The following LRP6 variants were observed in gnomAD, a reference collection of about 807,000 sequenced individuals.
The protein encoded by LRP6 is LDL receptor related protein 6.
In LRP6, 43 loss-of-function variants were observed where a neutral mutation model predicts 184.1. The ratio of observed to expected loss-of-function variants is 0.23; its 90% CI spans 0.18 to 0.30. The LOEUF (loss-of-function observed/expected upper bound fraction) is 0.30, where lower values mean the gene tolerates loss of function less well. Ranked by LOEUF, LRP6 falls within the 10% of genes least tolerant of loss-of-function variation. The probability of loss-of-function intolerance (pLI) is 1.00; values close to 1 mark genes in which losing one functional copy is unlikely to be tolerated. For missense variants in LRP6, 1,571 were observed against 2,005.3 expected (o/e 0.78, Z 4.14); for synonymous variants, 719 against 684.9 (o/e 1.05, Z -0.78).
chr12:12,167,268 G>C (rs529988464), intron 7 of LRP6, among the ~76,000 whole-genome samples: 8 of 152,232 alleles, frequency 5.3e-5, no homozygotes, highest in Non-Finnish European at 7.4e-5. Flanking sequence ...TCAGCAAACA[G>C]TATTGTGGCA....
intron 7 of LRP6, among the ~76,000 whole-genome samples, chr12:12,173,321 CTT>C (rs1293895825): frequency 6.6e-6 from 1 of 152,148 alleles, no homozygotes; most frequent in Non-Finnish European, 1.5e-5. Flanking sequence ...TGCTCTCATT[CTT>C]TTTAAGCACA....
chr12:12,130,724 GA>G (rs879889521), intron 19 of LRP6, 58 bp downstream of exon 19: 124 of 1,056,774 alleles, frequency 1.2e-4, no homozygotes, highest in Non-Finnish European at 1.7e-4. Flanking sequence ...TCACACATAA[GA>G]AAAAAAATTG....
At chr12:12,142,948 T>C (rs577536451) in intron 15 of LRP6, among the ~76,000 whole-genome samples, 2 of 152,100 alleles carry the variant, frequency 1.3e-5, no homozygotes, top group Non-Finnish European at 2.9e-5. Context: ...TTCAACACTG[T>C]ACTGGGGGAC....
chr12:12,154,298 C>T (rs1950121469), intron 12 of LRP6, among the ~76,000 whole-genome samples: 1 of 152,126 alleles, frequency 6.6e-6, no homozygotes, highest in Non-Finnish European at 1.5e-5. Context: ...TCACTTCCTT[C>T]AGTTCTTGAC....
intron 1 of LRP6, among the ~76,000 whole-genome samples, chr12:12,257,584 GA>G (rs369886658): frequency 0.023 from 1,408 of 62,478 alleles, 18 homozygotes; most frequent in African/African-American, 0.058. Flanking sequence ...CCCTCTCAAG[GA>G]AAAAAAAAAA....
intron 2 of LRP6, among the ~76,000 whole-genome samples, chr12:12,208,524 C>T (rs895710049): frequency 2.0e-5 from 3 of 152,180 alleles, no homozygotes; most frequent in African/African-American, 4.8e-5. Context: ...CTCTTCTGAG[C>T]TCTTGGCAGG....
chr12:12,266,879 T>G lies in LRP6; in HGVS notation c.-144A>C, dbSNP rs974010561. The G allele has an allele frequency of 1.3e-5, 10 of 754,180 alleles. No individual in the cohort carries two copies. The highest frequency in any genetic ancestry group is 1.8e-5 in the Non-Finnish European group (8 of 437,402). 46.7% of individuals were successfully genotyped at this position (754,180 alleles called of 1,614,324 possible). A position where few individuals can be genotyped will look rare whatever the true frequency, so the allele number is the denominator to read the frequency against. ...GCGAGAGAAGAAAGAAAGGGGCACG[T>G]CAAGGTTCCGCGCGCGCCGCCGCCG... On this transcript the variant is annotated 5_prime_UTR_variant, in exon 1 of 23. An upstream open reading frame in the 5' UTR loses its in-frame stop. Coordinates refer to ENST00000261349, the MANE Select transcript of LRP6 (RefSeq NM_002336.3).
At chr12:12,159,534 AG>A in intron 11 of LRP6, among the ~76,000 whole-genome samples, 1 of 152,342 alleles carries the variant, frequency 6.6e-6, no homozygotes, top group South Asian at 2.1e-4. Flanking sequence ...AAGTCATTTC[AG>A]GAGTATCTAG....
intron 1 of LRP6, chr12:12,249,192 A>G: frequency 2.7e-6 from 2 of 752,758 alleles, no homozygotes; most frequent in South Asian, 2.9e-5. Context: ...CAGCCTTAAA[A>G]TAAAATGTGG....
Position 12,250,410 on chromosome 12 carries a change from C to T in LRP6, c.56-5755G>A, listed in dbSNP as rs534566535. Among the ~76,000 whole-genome samples the T allele has an allele frequency of 2.0e-5, 3 of 152,272 alleles. No homozygotes were observed. In the South Asian group the frequency reaches 6.2e-4, roughly 32 times the overall value. On this transcript the variant is annotated intron_variant, in intron 1 of 22. Transcript: ENST00000261349. Reference sequence around the variant, plus strand: ...CAAGGCCAGAGTCAAACCTTACCTACTCTGTAACCCTTTCTAATTGACTCA... The same window carrying T: ...CAAGGCCAGAGTCAAACCTTACCTATTCTGTAACCCTTTCTAATTGACTCA...
chr12:12,212,569 A>G (rs1864240557), intron 2 of LRP6, among the ~76,000 whole-genome samples: 1 of 152,172 alleles, frequency 6.6e-6, no homozygotes, highest in African/African-American at 2.4e-5. Context: ...TGTCCCCACC[A>G]TACAGATTTC....
intron 16 of LRP6, 128 bp downstream of exon 16, chr12:12,138,196 CA>C: frequency 1.2e-5 from 10 of 857,670 alleles, no homozygotes; most frequent in Non-Finnish European, 1.9e-5. Context: ...ATGGAGAGTT[CA>C]AAAAAATGGC....
chr12:12,218,395 T>C (rs4763785), intron 2 of LRP6, among the ~76,000 whole-genome samples: 61,035 of 151,042 alleles, frequency 0.4, 14,996 homozygotes, highest in East Asian at 0.76. Context: ...GAGAATCGCT[T>C]GAGCCCAGGG....
intron 2 of LRP6, among the ~76,000 whole-genome samples, chr12:12,208,605 G>GT (rs1023146302): frequency 6.6e-6 from 1 of 152,128 alleles, no homozygotes; most frequent in African/African-American, 2.4e-5. Context: ...TAAAGACTAG[G>GT]TGTCACTACC....
At chr12:12,248,182 C>T (rs937236928) in intron 1 of LRP6, among the ~76,000 whole-genome samples, 2 of 152,180 alleles carry the variant, frequency 1.3e-5, no homozygotes, top group Non-Finnish European at 2.9e-5. Flanking sequence ...AGCCTCCTTA[C>T]CTCCTCTCTA....
In LRP6 at chr12:12,234,107, G is replaced by C. The variant is rs1864867775; in HGVS notation, c.449+10155C>G. Among the ~76,000 whole-genome samples, 3 of 152,254 alleles carry C rather than the reference G, an allele frequency of 2.0e-5. 1 individual carries two copies. In the South Asian group the frequency reaches 6.2e-4, roughly 32 times the overall value. On this transcript the variant is annotated intron_variant, in intron 2 of 22. Coordinates refer to ENST00000261349, the MANE Select transcript of LRP6 (RefSeq NM_002336.3). ...GTTTGAGACCAGCCTGACCAACATG[G>C]AGAAACTCCGTCTCTACTAAAAATA... is the stretch of plus-strand genomic sequence containing the variant.
chr12:12,253,581 C>A (rs1049360523), intron 1 of LRP6, among the ~76,000 whole-genome samples: 1 of 137,028 alleles, frequency 7.3e-6, no homozygotes, highest in Non-Finnish European at 1.6e-5. Context: ...CCCCTCCCCC[C>A]ACCCCACAAC....
chr12:12,251,571 T>C (rs867474964), intron 1 of LRP6, among the ~76,000 whole-genome samples: 1 of 152,012 alleles, frequency 6.6e-6, no homozygotes, highest in African/African-American at 2.4e-5. Context: ...GGTTTCACCA[T>C]GTTAGCCAGG....
intron 3 of LRP6, among the ~76,000 whole-genome samples, chr12:12,196,937 G>A (rs773785928): frequency 1.9e-4 from 29 of 152,004 alleles, no homozygotes; most frequent in Non-Finnish European, 2.2e-4. Context: ...TAAAATGGTG[G>A]TATTGCAATT....
Sources: gnomAD v4.1 joint callset for allele counts (sites outside exome capture counted in the v4.1 genomes callset) on GRCh38, gnomAD v4.1.1 for gene constraint, MANE v1.5 for transcripts, NCBI Gene and HGNC (gene_info 2026-07-23, HGNC 2026-07-21) for gene names.